The following PDE4D variants were observed in gnomAD, a reference collection of about 807,000 sequenced individuals.
PDE4D encodes the protein 3',5'-cyclic-AMP phosphodiesterase 4D.
Under a neutral mutation model 87.4 loss-of-function variants are expected in PDE4D, and 24 were observed. That is an observed-to-expected ratio of 0.27 (90% CI 0.20 to 0.39). The LOEUF (loss-of-function observed/expected upper bound fraction) is 0.39. Among genes scored for constraint, PDE4D ranks in the 10% least tolerant of loss-of-function variants. PDE4D has a pLI of 1.00. For synonymous variants in PDE4D, 384 were observed against 383.2 expected (o/e 1.00, Z -0.02); for missense variants, 714 against 1,041.0 (o/e 0.69, Z 4.32).
intron 6 of PDE4D, among the ~76,000 whole-genome samples, chr5:59,027,494 G>A (rs992511402): frequency 4.6e-5 from 7 of 152,110 alleles, no homozygotes; most frequent in Admixed American, 4.6e-4. Context: ...TTCCGCACAG[G>A]AGGAGATTTG....
At chr5:59,592,351 G>T (rs1826035440) in intron 1 of PDE4D, among the ~76,000 whole-genome samples, 1 of 152,170 alleles carries the variant, frequency 6.6e-6, no homozygotes, top group Admixed American at 6.6e-5. Flanking sequence ...AGTTTCAGTT[G>T]CTGAGAGTCA....
chr5:59,810,781 T>A (rs951431931), intron 1 of PDE4D, among the ~76,000 whole-genome samples: 1 of 152,260 alleles, frequency 6.6e-6, no homozygotes, highest in Non-Finnish European at 1.5e-5. Context: ...ATACAAACTT[T>A]AATGGCTATT....
At chr5:60,099,636 T>C (rs1055811024) in intron 2 of PDE4D, among the ~76,000 whole-genome samples, 1 of 151,900 alleles carries the variant, frequency 6.6e-6, no homozygotes, top group Non-Finnish European at 1.5e-5. Flanking sequence ...ATTAAACTTA[T>C]GAAAATATGT....
At chr5:59,790,418 T>C (rs966710001) in intron 1 of PDE4D, among the ~76,000 whole-genome samples, 2 of 152,210 alleles carry the variant, frequency 1.3e-5, no homozygotes, top group African/African-American at 4.8e-5. Flanking sequence ...CTTTAATAAG[T>C]TGACCTCAAA....
chr5:59,190,852 T>G (rs1744147253), intron 3 of PDE4D, among the ~76,000 whole-genome samples: 1 of 152,122 alleles, frequency 6.6e-6, no homozygotes, highest in Non-Finnish European at 1.5e-5. Context: ...TTTTGTTTTG[T>G]TTTTAATTCT....
At chr5:59,803,923 G>T (rs941443458) in intron 1 of PDE4D, among the ~76,000 whole-genome samples, 4 of 152,086 alleles carry the variant, frequency 2.6e-5, no homozygotes, top group Non-Finnish European at 4.4e-5. Flanking sequence ...CTGATTGCAG[G>T]TACTCAAAAA....
intron 1 of PDE4D, among the ~76,000 whole-genome samples, chr5:59,526,389 TG>T (rs983282759): frequency 6.6e-6 from 1 of 152,214 alleles, no homozygotes; most frequent in African/African-American, 2.4e-5. Flanking sequence ...CCATTCCTGG[TG>T]GTTTGATTAA....
intron 2 of PDE4D, among the ~76,000 whole-genome samples, chr5:60,161,138 A>G (rs1782442252): frequency 6.6e-6 from 1 of 152,138 alleles, no homozygotes; most frequent in African/African-American, 2.4e-5. Flanking sequence ...CACTGAGAGA[A>G]GGGCCGCAAT....
intron 2 of PDE4D, among the ~76,000 whole-genome samples, chr5:60,116,091 A>G (rs1467367558): frequency 2.0e-5 from 3 of 152,078 alleles, no homozygotes; most frequent in Admixed American, 6.6e-5. Flanking sequence ...ACGTATCTTT[A>G]ACTCATCTCC....
chr5:58,989,612 T>G (rs772256744), intron 10 of PDE4D, 143 bp downstream of exon 10: 39 of 555,430 alleles, frequency 7.0e-5, no homozygotes, highest in Non-Finnish European at 1.0e-4. Context: ...GTCTATTAAC[T>G]ATAGCATTTT....
At chr5:60,459,528 C>G (rs1449932986) in intron 1 of PDE4D, among the ~76,000 whole-genome samples, 2 of 152,106 alleles carry the variant, frequency 1.3e-5, no homozygotes, top group African/African-American at 4.8e-5. Context: ...ATTCTATGCA[C>G]TACTACACAG....
intron 1 of PDE4D, among the ~76,000 whole-genome samples, chr5:60,343,043 AG>A (rs1199971322): frequency 1.3e-5 from 2 of 152,206 alleles, no homozygotes; most frequent in Non-Finnish European, 2.9e-5. Flanking sequence ...TCAGTTTTGC[AG>A]GACAAAGCTA....
At chr5:60,174,269 C>T (rs1407929022) in intron 2 of PDE4D, among the ~76,000 whole-genome samples, 1 of 152,030 alleles carries the variant, frequency 6.6e-6, no homozygotes, top group Non-Finnish European at 1.5e-5. Flanking sequence ...TCTTGGGGAA[C>T]AGCATTGTTT....
chr5:59,695,226 G>A (rs1211437129), intron 1 of PDE4D, among the ~76,000 whole-genome samples: 6 of 151,174 alleles, frequency 4.0e-5, no homozygotes, highest in Non-Finnish European at 8.8e-5. Flanking sequence ...GAGTCAAGGA[G>A]CATTTATTCC....
intron 1 of PDE4D, among the ~76,000 whole-genome samples, chr5:59,264,601 A>C (rs568765359): frequency 6.6e-6 from 1 of 152,066 alleles, no homozygotes; most frequent in African/African-American, 2.4e-5. Flanking sequence ...TTTAAAGCAA[A>C]ACACTCAGGG....
At chr5:60,030,471 CAAAAAACAAA>C (rs930677658) in intron 2 of PDE4D, among the ~76,000 whole-genome samples, 2 of 152,076 alleles carry the variant, frequency 1.3e-5, no homozygotes, top group Non-Finnish European at 2.9e-5. Context: ...AACAAAAAAA[CAAAAAACAAA>C]AACAAGAGTT....
intron 5 of PDE4D, among the ~76,000 whole-genome samples, chr5:59,161,052 G>A (rs866450586): frequency 8.5e-5 from 13 of 152,212 alleles, no homozygotes; most frequent in Middle Eastern, 6.8e-3. Flanking sequence ...GCCGAATTGC[G>A]CCATTGCACT....
At chr5:59,283,016 C>A (rs1766153819) in intron 1 of PDE4D, among the ~76,000 whole-genome samples, 1 of 152,102 alleles carries the variant, frequency 6.6e-6, no homozygotes, top group South Asian at 2.1e-4. Context: ...ATCCAAATTC[C>A]ACCAATCACT....
At chr5:59,388,718 G>C (rs965019207) in intron 1 of PDE4D, among the ~76,000 whole-genome samples, 12 of 151,780 alleles carry the variant, frequency 7.9e-5, no homozygotes, top group African/African-American at 2.9e-4. Context: ...ATTTTGGATA[G>C]AATGGACATC....
Sources: gnomAD v4.1 joint callset for allele counts (sites outside exome capture counted in the v4.1 genomes callset) on GRCh38, gnomAD v4.1.1 for gene constraint, MANE v1.5 for transcripts, NCBI Gene and HGNC (gene_info 2026-07-23, HGNC 2026-07-21) for gene names.